EPHB2: variants seen among roughly 807,000 people sequenced by gnomAD.
EPHB2 encodes the protein EPH receptor B2.
A neutral mutation model predicts 96.4 loss-of-function variants in EPHB2; 18 were observed. The ratio of observed to expected loss-of-function variants is 0.19; its 90% confidence interval spans 0.13 to 0.28. EPHB2 has a LOEUF of 0.28. EPHB2 is among the 10% of genes least tolerant of loss of function. EPHB2 has a pLI of 1.00. For missense variants in EPHB2, 989 were observed against 1,355.4 expected, an observed-to-expected ratio of 0.73 and a Z score of 4.25; for synonymous variants, 506 against 534.1, an observed-to-expected ratio of 0.95 and a Z score of 0.72.
chr1:22,798,963 G>A (rs1243614838), intron 3 of EPHB2, among the ~76,000 whole-genome samples: 4 of 152,134 alleles, frequency 2.6e-5, no homozygotes, highest in Admixed American at 2.6e-4. Flanking sequence ...AGGTGGGGGG[G>A]ACATGGTAAT....
intron 3 of EPHB2, among the ~76,000 whole-genome samples, chr1:22,813,586 G>A (rs1365299577): frequency 6.6e-6 from 1 of 152,256 alleles, no homozygotes; most frequent in Non-Finnish European, 1.5e-5. Context: ...AGGGTCAGCA[G>A]TAGGCACCAC....
intron 5 of EPHB2, 115 bp from the exon 6 acceptor site, chr1:22,882,244 T>A (rs1639070932): frequency 1.3e-6 from 2 of 1,549,592 alleles, no homozygotes. Flanking sequence ...CTCAGCCAGA[T>A]GCCCTTCCCT....
At chr1:22,722,262 G>A (rs116314035) in intron 1 of EPHB2, among the ~76,000 whole-genome samples, 2,150 of 152,106 alleles carry the variant, frequency 0.014, 59 homozygotes, top group African/African-American at 0.049. Context: ...TTCCCAAATT[G>A]TTGGGATTAC....
At chr1:22,720,030 A>T (rs561013533) in intron 1 of EPHB2, among the ~76,000 whole-genome samples, 1 of 152,316 alleles carries the variant, frequency 6.6e-6, no homozygotes, top group Admixed American at 6.5e-5. Context: ...GTGGCTTCAC[A>T]TACATCTTTG....
rs1266438498 is a variant in EPHB2, at chr1:22,733,620, A to T, written c.61+22577A>T. On this transcript the variant is annotated intron_variant, in intron 1 of 15. Coordinates refer to ENST00000374630, the MANE Select transcript of EPHB2 (RefSeq NM_017449.5). The surrounding 1 kb of genome is among the most constrained non-coding windows in gnomAD (Gnocchi z 4.6). ...ACCACTGTGAGGCAGGATTATTATT[A>T]TTTTTGTTTTAGAGGAAAACTGAAT... 6.6e-6 allele frequency among the ~76,000 whole-genome samples: 1 copy of T among 152,102 alleles called. No individual in the cohort carries two copies.
intron 1 of EPHB2, among the ~76,000 whole-genome samples, chr1:22,752,933 G>A (rs1249916053): frequency 1.3e-5 from 2 of 151,850 alleles, no homozygotes; most frequent in African/African-American, 4.8e-5. Context: ...ACAGGTGCAT[G>A]CCATCATGCT....
Position 22,905,973 on chromosome 1 carries a change from G to C in EPHB2, c.1766-14G>C. The stretch of plus-strand genomic sequence containing the variant: ...GAGTCAGTCCATATGACAGAGCCTG[G>C]TCTTGTCCCCCAGTGACCCCAGGCA... On this transcript the variant is annotated splice_polypyrimidine_tract_variant and intron_variant, in intron 9 of 15. Coordinates refer to ENST00000374630, the MANE Select transcript of EPHB2 (RefSeq NM_017449.5). The C allele has an allele frequency of 6.2e-7, 1 of 1,614,158 alleles. No homozygotes were observed. Among genetic ancestry groups the C allele is most frequent in the Non-Finnish European group, 8.5e-7 (1 of 1,180,032 alleles).
chr1:22,794,756 T>C (rs1356194328), intron 3 of EPHB2, among the ~76,000 whole-genome samples: 1 of 152,156 alleles, frequency 6.6e-6, no homozygotes, highest in African/African-American at 2.4e-5. Flanking sequence ...CCTGGAGCCC[T>C]GCACTGTCCT....
intron 1 of EPHB2, among the ~76,000 whole-genome samples, chr1:22,712,723 A>G (rs1198054308): frequency 1.3e-5 from 2 of 152,100 alleles, no homozygotes; most frequent in African/African-American, 4.8e-5. Flanking sequence ...CTGGGTGTGG[A>G]GGGCAGCCCT....
chr1:22,774,756 C>A, intron 1 of EPHB2: 2 of 319,890 alleles, frequency 6.3e-6, no homozygotes, highest in Non-Finnish European at 9.0e-6. Flanking sequence ...GGAACATCAC[C>A]CAGCTGCTGT....
chr1:22,754,663 C>T (rs138629253), intron 1 of EPHB2, among the ~76,000 whole-genome samples: 3 of 151,102 alleles, frequency 2.0e-5, no homozygotes, highest in East Asian at 2.0e-4. Context: ...AACTGCCACC[C>T]GCCCTCTCTT....
chr1:22,734,504 C>T (rs1212628757), intron 1 of EPHB2, among the ~76,000 whole-genome samples: 1 of 151,610 alleles, frequency 6.6e-6, no homozygotes, highest in Non-Finnish European at 1.5e-5. Context: ...TCACTGCAAC[C>T]TCTGCCTCCT....
chr1:22,910,680 G>A (rs1042449147), intron 14 of EPHB2, 105 bp downstream of exon 14: 2 of 1,429,388 alleles, frequency 1.4e-6, no homozygotes, highest in African/African-American at 2.9e-5. Context: ...ACTGCAGCTT[G>A]GGATGGGGAA....
At chr1:22,734,894 A>G (rs1055789303) in intron 1 of EPHB2, among the ~76,000 whole-genome samples, 1 of 152,166 alleles carries the variant, frequency 6.6e-6, no homozygotes, top group African/African-American at 2.4e-5. Flanking sequence ...GTGTTGCTCC[A>G]TGGTACTGAT....
chr1:22,789,669 C>T (rs1023950956), intron 3 of EPHB2, among the ~76,000 whole-genome samples: 6 of 152,190 alleles, frequency 3.9e-5, no homozygotes, highest in Non-Finnish European at 5.9e-5. Flanking sequence ...ATGAACAAGA[C>T]GGACACATCA....
intron 3 of EPHB2, among the ~76,000 whole-genome samples, chr1:22,803,697 GTATATATATGTATATGTGTA>G (rs1644881871): frequency 2.1e-5 from 3 of 145,034 alleles, no homozygotes; most frequent in Non-Finnish European, 4.5e-5. Flanking sequence ...ATATATGTGT[GTATATATATGTATATGTGTA>G]TATATATGTA....
chr1:22,752,699 C>G (rs1644082960), intron 1 of EPHB2, among the ~76,000 whole-genome samples: 1 of 150,768 alleles, frequency 6.6e-6, no homozygotes, highest in African/African-American at 2.4e-5. Context: ...CATGTAAATA[C>G]ATTTTTAATA....
Position 22,863,310 on chromosome 1 carries a change from G to A in EPHB2, c.967+118G>A, listed in dbSNP as rs1638344297. On this transcript the variant is annotated intron_variant, in intron 4 of 15. Transcript: ENST00000374630. ...ACAGCCAGTCTTTCCCTGGTGGGAAGAGAAATGGAAAAGTGCTCAAGAAAG... is the reference window on the plus strand; with the variant it reads ...ACAGCCAGTCTTTCCCTGGTGGGAAAAGAAATGGAAAAGTGCTCAAGAAAG... The A allele has an allele frequency of 3.9e-6, 6 of 1,531,368 alleles. No homozygotes were observed. In the East Asian group the frequency reaches 1.2e-4, roughly 30 times the overall value. The allele number at this position is 1,531,368 out of a possible 1,614,324, so 94.9% of individuals were successfully genotyped here.
chr1:22,866,507 T>G (rs1570410110), intron 5 of EPHB2, among the ~76,000 whole-genome samples: 1 of 152,040 alleles, frequency 6.6e-6, no homozygotes, highest in Non-Finnish European at 1.5e-5. Context: ...CAAGTGATCC[T>G]CCTGCCTCAG....
Sources: allele counts gnomAD v4.1 joint callset (sites outside exome capture counted in the v4.1 genomes callset), GRCh38; gene constraint gnomAD v4.1.1; non-coding constraint Gnocchi (gnomAD v3.1); transcripts MANE v1.5; gene names NCBI Gene and HGNC (gene_info 2026-07-23, HGNC 2026-07-21).